Variants in CUX1 observed in about 807,000 individuals in gnomAD.
CUX1 encodes the protein protein CASP.
A neutral mutation model predicts 158.8 loss-of-function variants in CUX1; 31 were observed. The ratio of observed to expected loss-of-function variants is 0.20; its 90% confidence interval spans 0.15 to 0.26. CUX1 has a LOEUF of 0.26. Among genes scored for constraint, CUX1 ranks in the 10% least tolerant of loss-of-function variants. The pLI is 1.00. For missense variants in CUX1, 1,589 were observed against 2,014.6 expected, an observed-to-expected ratio of 0.79 and a Z score of 4.04; for synonymous variants, 879 against 862.1, an observed-to-expected ratio of 1.02 and a Z score of -0.34.
intron 4 of CUX1, among the ~76,000 whole-genome samples, chr7:102,079,450 A>AT (rs1264172642): frequency 1.3e-5 from 2 of 151,868 alleles, no homozygotes. Flanking sequence ...AAAAAAAAAA[A>AT]TGACAAAATC....
rs1466254856 is a variant in CUX1 at position 102,253,666 on chromosome 7, G to GC, written c.*4624_*4625insC. 1.0e-6 allele frequency: 1 copy of GC among 985,316 alleles called. No individual in the cohort carries two copies. The highest frequency in any genetic ancestry group is 1.7e-5 in the African/African-American group (1 of 57,220). 61.0% of individuals were successfully genotyped at this position (985,316 alleles called of 1,614,324 possible). ...AAAAGCAGAGAGATTTTGAACTGAG[G>GC]GGCGACAGCCTTTGCCTTAAATGCA... is the stretch of plus-strand genomic sequence containing the variant. On this transcript the variant is annotated 3_prime_UTR_variant, in exon 24 of 24. Transcript: ENST00000292535.
At chr7:102,036,860 T>G (rs1244723827) in intron 3 of CUX1, among the ~76,000 whole-genome samples, 1 of 152,120 alleles carries the variant, frequency 6.6e-6, no homozygotes, top group Non-Finnish European at 1.5e-5. Flanking sequence ...GGGGGACTTT[T>G]CATGGTCCTC....
intron 1 of CUX1, among the ~76,000 whole-genome samples, chr7:101,893,158 CTTTTTTTTTTT>C (rs10589615): frequency 4.6e-5 from 3 of 64,954 alleles, no homozygotes; most frequent in African/African-American, 1.2e-4. Context: ...ATTTTTATTA[CTTTTTTTTTTT>C]TTTTTTTTTT....
At chr7:102,241,942 T>C (rs1383449511) in intron 23 of CUX1, among the ~76,000 whole-genome samples, 1 of 152,090 alleles carries the variant, frequency 6.6e-6, no homozygotes, top group Non-Finnish European at 1.5e-5. Context: ...TGCACTCCAG[T>C]CTGGGTGATA....
chr7:101,913,955 T>G (rs1279437240), intron 1 of CUX1, among the ~76,000 whole-genome samples: 7 of 152,112 alleles, frequency 4.6e-5, no homozygotes, highest in Non-Finnish European at 1.0e-4. Context: ...AAAGCCCTCC[T>G]CCCTCCAGAT....
At chr7:102,093,940 C>G (rs1337737613) in intron 4 of CUX1, among the ~76,000 whole-genome samples, 1 of 152,146 alleles carries the variant, frequency 6.6e-6, no homozygotes, top group African/African-American at 2.4e-5. Flanking sequence ...AGACAATTCC[C>G]TAATTGAGCT....
At chr7:101,977,875 G>A (rs1467912068) in intron 2 of CUX1, among the ~76,000 whole-genome samples, 1 of 152,136 alleles carries the variant, frequency 6.6e-6, no homozygotes, top group Non-Finnish European at 1.5e-5. Context: ...TATATATGGG[G>A]GGTCAGCAGA....
chr7:102,225,600 C>T (rs1315984544), intron 20 of CUX1, among the ~76,000 whole-genome samples: 1 of 152,160 alleles, frequency 6.6e-6, no homozygotes, highest in Non-Finnish European at 1.5e-5. Flanking sequence ...ACAGTGGCTC[C>T]TGCCTGTAAA....
chr7:102,250,932 A>AT lies in CUX1; in HGVS notation c.*1891dup. On this transcript the variant is annotated 3_prime_UTR_variant, in exon 24 of 24. Coordinates refer to ENST00000292535, the MANE Select transcript of CUX1 (RefSeq NM_181552.4). ...TGCTAATTTAGACTTCTTTATTGCC[A>AT]TATCTTTAAACTAACAATAGATGAT... The AT allele has an allele frequency of 1.0e-6, 1 of 980,118 alleles. No homozygotes were observed. Among genetic ancestry groups the AT allele is most frequent in the Non-Finnish European group, 1.2e-6 (1 of 825,198 alleles). 60.7% of individuals were successfully genotyped at this position (980,118 alleles called of 1,614,324 possible).
intron 1 of CUX1, among the ~76,000 whole-genome samples, chr7:101,850,407 T>C (rs1796143606): frequency 7.1e-6 from 1 of 140,758 alleles, no homozygotes; most frequent in Non-Finnish European, 1.5e-5. Flanking sequence ...GGTTTTCTTT[T>C]TCTTTCTTTC....
chr7:101,956,120 T>G (rs1301354200), intron 2 of CUX1, among the ~76,000 whole-genome samples: 1 of 116,302 alleles, frequency 8.6e-6, no homozygotes, highest in Non-Finnish European at 1.7e-5. Flanking sequence ...AGGTGGAGCT[T>G]GCAGTGAGCC....
intron 2 of CUX1, among the ~76,000 whole-genome samples, chr7:101,984,448 T>C (rs1814004456): frequency 6.6e-6 from 1 of 150,992 alleles, no homozygotes; most frequent in African/African-American, 2.4e-5. Context: ...AAATATTCTC[T>C]TCCGTGCTTC....
chr7:102,165,933 A>C (rs1313206306), intron 9 of CUX1, among the ~76,000 whole-genome samples: 3 of 152,102 alleles, frequency 2.0e-5, no homozygotes, highest in African/African-American at 7.2e-5. Context: ...TAACAGGAAG[A>C]ATTCCTGAGA....
rs1554513207 is a variant in CUX1 at position 102,179,237 on chromosome 7, G to T, written c.1017+580G>T. Among the ~76,000 whole-genome samples, 2 of 152,144 alleles carry T rather than the reference G, an allele frequency of 1.3e-5. 1 individual carries two copies. Among genetic ancestry groups the T allele is most frequent in the Non-Finnish European group, 2.9e-5 (2 of 68,036 alleles). On this transcript the variant is annotated intron_variant, in intron 11 of 23. Coordinates refer to ENST00000292535, the MANE Select transcript of CUX1 (RefSeq NM_181552.4). Reference sequence around the variant, plus strand: ...TAATTTTTGTATTTTTAGTAGAGATGGGGTTTCGCCACATTGGCCAGGCTG... The same window carrying T: ...TAATTTTTGTATTTTTAGTAGAGATTGGGTTTCGCCACATTGGCCAGGCTG...
chr7:102,225,133 A>T (rs1798215999), intron 20 of CUX1, among the ~76,000 whole-genome samples: 1 of 152,150 alleles, frequency 6.6e-6, no homozygotes, highest in Non-Finnish European at 1.5e-5. Flanking sequence ...ATTGCCCTAA[A>T]GATTTATACG....
At chr7:102,265,936 G>A (rs755895059) in intron 14 of CUX1, among the ~76,000 whole-genome samples, 6 of 152,132 alleles carry the variant, frequency 3.9e-5, no homozygotes, top group Non-Finnish European at 8.8e-5. Context: ...AGGGGCAGTG[G>A]CTCACGCCTG....
chr7:102,014,503 T>C (rs935840722), intron 2 of CUX1, among the ~76,000 whole-genome samples: 4 of 152,342 alleles, frequency 2.6e-5, no homozygotes, highest in Non-Finnish European at 5.9e-5. Flanking sequence ...AGTTGCTGCT[T>C]CTTTGGTGCC....
At chr7:101,917,493 G>T (rs2129088422) in intron 2 of CUX1, among the ~76,000 whole-genome samples, 1 of 152,252 alleles carries the variant, frequency 6.6e-6, no homozygotes, top group South Asian at 2.1e-4. Flanking sequence ...GACCAAAAAT[G>T]CAGGTGGGAG....
chr7:102,248,892 G>C lies in CUX1; in HGVS notation c.4368G>C (p.Leu1456=). The C allele has an allele frequency of 7.1e-7, 1 of 1,416,258 alleles. No homozygotes were observed. The highest frequency in any genetic ancestry group is 9.3e-7 in the Non-Finnish European group (1 of 1,078,636). 87.7% of individuals were successfully genotyped at this position (1,416,258 alleles called of 1,614,324 possible). Residue 1456 remains leucine (L), a synonymous_variant, in exon 24 of 24, where the codon CTG becomes CTC. Transcript: ENST00000292535. This position sits in a 1 kb window ranked among gnomAD's most constrained non-coding sequence, Gnocchi z 5.8. ...GCGCCCCCCGCAGGCCCAGCTCGCT[G>C]CAGAGCCTTTTCGGCCTCCCCGAGG... The part of the protein sequence containing the change: ...SSSAPRRPSS[L]QSLFGLPEAA...
Sources: gnomAD v4.1 joint callset for allele counts (sites outside exome capture counted in the v4.1 genomes callset) on GRCh38, gnomAD v4.1.1 for gene constraint, Gnocchi (gnomAD v3.1) non-coding constraint, MANE v1.5 for transcripts, NCBI Gene and HGNC (gene_info 2026-07-23, HGNC 2026-07-21) for gene names.